NRAP: variants seen among roughly 807,000 people sequenced by gnomAD.
NRAP encodes nebulin-related-anchoring protein.
NRAP carries 189 observed loss-of-function variants against 225.9 expected under a neutral mutation model. That is an observed-to-expected ratio of 0.84 (90% CI 0.74 to 0.94). The LOEUF is 0.94. Ranked by LOEUF, NRAP falls within the 40% of genes least tolerant of loss-of-function variation. The pLI, the probability that NRAP is intolerant of heterozygous loss-of-function variation, is 0.00. For synonymous variants in NRAP, 769 were observed against 790.7 expected (o/e 0.97, Z 0.46); for missense variants, 2,176 against 2,168.7 (o/e 1.00, Z -0.07).
In NRAP at chr10:113,647,570, C is replaced by CCTCCCCCAGTGGTACTGT. The variant is rs1849613981; in HGVS notation, c.889-544_889-543insACAGTACCACTGGGGGAG. Among the ~76,000 whole-genome samples, 19 of 66,456 alleles carry CCTCCCCCAGTGGTACTGT rather than the reference C, an allele frequency of 2.9e-4. 1 individual carries two copies. The highest frequency in any genetic ancestry group is 4.6e-4 in the Non-Finnish European group (13 of 28,016). 43.6% of individuals were successfully genotyped at this position (66,456 alleles called of 152,430 possible). On this transcript the variant is annotated intron_variant, in intron 9 of 41. Coordinates refer to ENST00000359988, the MANE Select transcript of NRAP (RefSeq NM_198060.4). ...GGTACTGTCTCCCCCAGTGGTACTG[C>CCTCCCCCAGTGGTACTGT]CTCCCCTGGTGGTACTTCCTCCCCT...
chr10:113,634,176 T>C lies in NRAP; in HGVS notation c.1463A>G (p.Tyr488Cys). Reference sequence around the variant, plus strand: ...CTGTGGGGTGTCAGTCACCGAGCTGTACTTCAACTTGTCGATGCTCTGCCT... The same window carrying C: ...CTGTGGGGTGTCAGTCACCGAGCTGCACTTCAACTTGTCGATGCTCTGCCT... Reference protein sequence around the residue: ...NYRQSIDKLKYSSVTDTPQIV... With the variant: ...NYRQSIDKLKCSSVTDTPQIV... Residue 488 changes from tyrosine to cysteine, a missense_variant, in exon 15 of 42, where the codon TAC becomes TGC. Coordinates refer to ENST00000359988, the MANE Select transcript of NRAP (RefSeq NM_198060.4). 6.2e-7 allele frequency: 1 copy of C among 1,613,762 alleles called. No homozygotes were observed. The highest frequency in any genetic ancestry group is 8.5e-7 in the Non-Finnish European group (1 of 1,179,656).
chr10:113,589,152 G>A, intron 41 of NRAP, 73 bp from the exon 42 acceptor site: 1 of 1,230,072 alleles, frequency 8.1e-7, no homozygotes, highest in Non-Finnish European at 1.2e-6. Context: ...GTTCCCACAG[G>A]ACACGCTAAG....
chr10:113,636,233 G>C (rs1265727179), intron 14 of NRAP, among the ~76,000 whole-genome samples: 1 of 152,176 alleles, frequency 6.6e-6, no homozygotes, highest in African/African-American at 2.4e-5. Context: ...ATCTCTGCCT[G>C]GACCTCACCT....
intron 35 of NRAP, among the ~76,000 whole-genome samples, chr10:113,601,057 C>T (rs776191068): frequency 2.2e-4 from 33 of 152,280 alleles, no homozygotes; most frequent in South Asian, 2.1e-4. Flanking sequence ...TCTGAGACCA[C>T]GGAGGGAGCA....
rs3121466 is a variant in NRAP at position 113,641,606 on chromosome 10, A to G, written c.1216-134T>C. 0.88 allele frequency: 489,962 copies of G among 553,888 alleles called. 217,147 individuals carry two copies. The highest frequency in any genetic ancestry group is 0.9 in the Admixed American group (26,596 of 29,426). The allele number at this position is 553,888 out of a possible 1,614,324, so 34.3% of individuals were successfully genotyped here. A position where few individuals can be genotyped will look rare whatever the true frequency, so the allele number is the denominator to read the frequency against. Reference sequence around the variant, plus strand: ...CCCATTTAAATAGTCAACGTATCACAGAATAAAAAATAAGGCAAACTTTTT... The same window carrying G: ...CCCATTTAAATAGTCAACGTATCACGGAATAAAAAATAAGGCAAACTTTTT... On this transcript the variant is annotated intron_variant, in intron 12 of 41. Transcript: ENST00000359988.
intron 34 of NRAP, 90 bp downstream of exon 34, chr10:113,605,672 G>T: frequency 2.4e-6 from 2 of 831,688 alleles, no homozygotes; most frequent in South Asian, 1.4e-5. Flanking sequence ...TTATAGATTT[G>T]CTTTAATTCA....
Position 113,590,753 on chromosome 10 carries a change from G to A in NRAP, c.4781C>T (p.Ala1594Val), listed in dbSNP as rs370130507. 6 of 1,614,118 alleles carry A rather than the reference G, an allele frequency of 3.7e-6. No homozygotes were observed. The African/African-American group carries it at 8.0e-5, about 22-fold the overall frequency. Reference sequence around the variant, plus strand: ...GCTGTGAAACTGGGACCGACTCTTGGCAAAGTCCTTCTTGTACTCATTGTC... The same window carrying A: ...GCTGTGAAACTGGGACCGACTCTTGACAAAGTCCTTCTTGTACTCATTGTC... The part of the protein sequence containing the change: ...QSDNEYKKDF[A>V]KSRSQFHSST... Residue 1594 changes from alanine (A) to valine (V), a missense_variant, in exon 40 of 42, where the codon GCC becomes GTC. By Grantham distance (64) the Ala-to-Val change is moderately conservative. Transcript: ENST00000359988.
At chr10:113,647,133 C>A in intron 9 of NRAP, 106 bp from the exon 10 acceptor site, 1 of 758,148 alleles carries the variant, frequency 1.3e-6, no homozygotes, top group South Asian at 1.5e-5. Context: ...GTTCATCCAC[C>A]TTGGGTATTT....
chr10:113,654,764 C>T (rs1277466925), intron 4 of NRAP, among the ~76,000 whole-genome samples: 2 of 152,098 alleles, frequency 1.3e-5, no homozygotes, highest in South Asian at 2.1e-4. Context: ...CAAGGGAGAA[C>T]GAATGGCATC....
chr10:113,657,629 T>C (rs1007202181), intron 3 of NRAP, 55 bp from the exon 4 acceptor site: 1 of 1,044,740 alleles, frequency 9.6e-7, no homozygotes, highest in Non-Finnish European at 1.5e-6. Context: ...GAAAAAAACA[T>C]AGACAAACAA....
chr10:113,650,951 C>G (rs924205130), intron 7 of NRAP, among the ~76,000 whole-genome samples: 2 of 152,300 alleles, frequency 1.3e-5, no homozygotes, highest in African/African-American at 4.8e-5. Flanking sequence ...TTCAATGTCC[C>G]ATTCAGAACA....
chr10:113,597,060 G>T, intron 37 of NRAP, 26 bp downstream of exon 37: 1 of 1,487,502 alleles, frequency 6.7e-7, no homozygotes, highest in Non-Finnish European at 9.4e-7. Context: ...CTGCATGCCC[G>T]GGATGAATGA....
chr10:113,641,305 C>T, intron 13 of NRAP, 60 bp downstream of exon 13: 1 of 995,290 alleles, frequency 1.0e-6, no homozygotes, highest in Non-Finnish European at 1.6e-6. Context: ...AAAGAATTGG[C>T]TGAATTCTTC....
intron 11 of NRAP, among the ~76,000 whole-genome samples, chr10:113,644,873 G>C (rs935519198): frequency 6.6e-6 from 1 of 152,186 alleles, no homozygotes; most frequent in Non-Finnish European, 1.5e-5. Context: ...AATTGTTCCC[G>C]TTGCCAGAGG....
intron 35 of NRAP, among the ~76,000 whole-genome samples, chr10:113,599,258 T>C (rs1248697840): frequency 1.3e-5 from 2 of 152,194 alleles, no homozygotes; most frequent in East Asian, 1.9e-4. Context: ...TGTCTGCTGG[T>C]TAATGCCCCT....
intron 3 of NRAP, 119 bp from the exon 4 acceptor site, chr10:113,657,693 C>G (rs936083872): frequency 4.8e-5 from 33 of 689,884 alleles, no homozygotes; most frequent in Middle Eastern, 3.0e-4. Flanking sequence ...AGCATCTTCA[C>G]TGTGCTGCAA....
At chr10:113,613,514 G>A (rs1299509486) in intron 29 of NRAP, among the ~76,000 whole-genome samples, 1 of 152,216 alleles carries the variant, frequency 6.6e-6, no homozygotes, top group Non-Finnish European at 1.5e-5. Context: ...TTTAGCCTCT[G>A]TAACATGCTG....
intron 13 of NRAP, 29 bp from the exon 14 acceptor site, chr10:113,640,360 G>A (rs765480697): frequency 1.6e-6 from 2 of 1,273,106 alleles, no homozygotes; most frequent in Non-Finnish European, 2.2e-6. Context: ...AAGAAGAATG[G>A]AGAAATCAAT....
intron 14 of NRAP, among the ~76,000 whole-genome samples, chr10:113,638,255 T>C (rs547169485): frequency 6.6e-6 from 1 of 152,352 alleles, no homozygotes; most frequent in South Asian, 2.1e-4. Flanking sequence ...TGGGACATAA[T>C]TAAAAGTCTC....
Sources: allele counts gnomAD v4.1 joint callset (sites outside exome capture counted in the v4.1 genomes callset), GRCh38; gene constraint gnomAD v4.1.1; transcripts MANE v1.5; gene names NCBI Gene and HGNC (gene_info 2026-07-23, HGNC 2026-07-21).